The following QTMAN variants were observed in gnomAD, a reference collection of about 807,000 sequenced individuals.
QTMAN encodes the protein queuosine-tRNA mannosyltransferase.
the QTMAN span, among the ~76,000 whole-genome samples, chr2:144,130,020 G>A: frequency 2.7e-5 from 4 of 150,920 alleles, no homozygotes; most frequent in Non-Finnish European, 5.9e-5. Context: ...TAACATAGTA[G>A]GAAGGCTTTC....
At chr2:144,272,990 ATAAT>A in the QTMAN span, among the ~76,000 whole-genome samples, 2 of 152,184 alleles carry the variant, frequency 1.3e-5, no homozygotes, top group South Asian at 4.1e-4. Flanking sequence ...ATTCTTAGTA[ATAAT>A]TATTTAAAAA....
chr2:144,060,062 GAAT>G, the QTMAN span, among the ~76,000 whole-genome samples: 1 of 151,462 alleles, frequency 6.6e-6, no homozygotes, highest in Non-Finnish European at 1.5e-5. Context: ...GTTTTTCCTG[GAAT>G]AATATCTACC....
the QTMAN span, among the ~76,000 whole-genome samples, chr2:144,277,374 G>A: frequency 3.3e-5 from 5 of 152,032 alleles, no homozygotes; most frequent in South Asian, 1.0e-3. Context: ...TGTGTTCAAA[G>A]TAATATAAAT....
the QTMAN span, among the ~76,000 whole-genome samples, chr2:144,284,255 A>C: frequency 1.3e-5 from 2 of 152,054 alleles, no homozygotes; most frequent in African/African-American, 4.8e-5. Flanking sequence ...AATACCTCCC[A>C]TGGAAAAAAA....
the QTMAN span, among the ~76,000 whole-genome samples, chr2:144,289,263 G>A: frequency 6.6e-6 from 1 of 152,202 alleles, no homozygotes; most frequent in Non-Finnish European, 1.5e-5. Context: ...ATCTAACCTC[G>A]TGATCCGCCC....
the QTMAN span, among the ~76,000 whole-genome samples, chr2:144,331,304 C>G: frequency 2.8e-4 from 43 of 152,218 alleles, no homozygotes; most frequent in Admixed American, 1.0e-3. Flanking sequence ...AGGTTAAACA[C>G]GTTAATAGAA....
At chr2:144,177,506 G>C in the QTMAN span, among the ~76,000 whole-genome samples, 1 of 152,044 alleles carries the variant, frequency 6.6e-6, no homozygotes, top group Non-Finnish European at 1.5e-5. Context: ...AAATGCATAC[G>C]AGGAGTTGGC....
chr2:144,260,880 AT>A, the QTMAN span, among the ~76,000 whole-genome samples: 6 of 151,966 alleles, frequency 3.9e-5, no homozygotes, highest in Admixed American at 3.9e-4. Flanking sequence ...TAGATATAAG[AT>A]TTAAAAAAAA....
chr2:144,105,787 C>T, the QTMAN span, among the ~76,000 whole-genome samples: 1 of 152,066 alleles, frequency 6.6e-6, no homozygotes, highest in East Asian at 1.9e-4. Flanking sequence ...AGAGTAACTC[C>T]AAGACACATA....
chr2:144,117,396 C>T, the QTMAN span, among the ~76,000 whole-genome samples: 7 of 152,164 alleles, frequency 4.6e-5, no homozygotes, highest in Non-Finnish European at 1.0e-4. Context: ...GCTCTCTTAT[C>T]TGTGAGTCCC....
At chr2:144,246,507 A>G in the QTMAN span, among the ~76,000 whole-genome samples, 7 of 138,414 alleles carry the variant, frequency 5.1e-5, no homozygotes, top group African/African-American at 1.6e-4. Flanking sequence ...CGGGAAGCGG[A>G]GCTTGCCGTG....
At chr2:144,155,138 T>G in the QTMAN span, among the ~76,000 whole-genome samples, 1 of 152,188 alleles carries the variant, frequency 6.6e-6, no homozygotes, top group Non-Finnish European at 1.5e-5. Flanking sequence ...CATTTTTTAT[T>G]GAGCTCATTA....
the QTMAN span, among the ~76,000 whole-genome samples, chr2:144,019,651 T>C: frequency 6.6e-6 from 1 of 152,100 alleles, no homozygotes; most frequent in East Asian, 1.9e-4. Flanking sequence ...CCTTGATAAC[T>C]TCTCTAAGCC....
At chr2:144,076,301 C>A in the QTMAN span, among the ~76,000 whole-genome samples, 1 of 152,246 alleles carries the variant, frequency 6.6e-6, no homozygotes, top group Middle Eastern at 3.4e-3. Flanking sequence ...GGGCACTACA[C>A]AAATCACTGC....
chr2:144,106,517 A>T, the QTMAN span, among the ~76,000 whole-genome samples: 16 of 152,244 alleles, frequency 1.1e-4, no homozygotes, highest in Non-Finnish European at 2.2e-4. Flanking sequence ...GAAGGCTATT[A>T]CATAATGGTA....
chr2:144,219,064 T>C, the QTMAN span, among the ~76,000 whole-genome samples: 2 of 152,108 alleles, frequency 1.3e-5, no homozygotes, highest in African/African-American at 2.4e-5. Flanking sequence ...CTTAGACACA[T>C]TTGATGTTTT....
At chr2:143,958,782 CTTTTTTT>C in the QTMAN span, among the ~76,000 whole-genome samples, 2 of 113,368 alleles carry the variant, frequency 1.8e-5, no homozygotes, top group Admixed American at 8.9e-5. Flanking sequence ...TTCTTTCTTT[CTTTTTTT>C]TTTTTTTTTT....
chr2:144,008,277 C>A, the QTMAN span, among the ~76,000 whole-genome samples: 1 of 151,754 alleles, frequency 6.6e-6, no homozygotes, highest in Non-Finnish European at 1.5e-5. Context: ...ACAAGAACAG[C>A]CAACTAACCT....
the QTMAN span, among the ~76,000 whole-genome samples, chr2:144,056,413 A>G: frequency 6.6e-6 from 1 of 152,184 alleles, no homozygotes; most frequent in Non-Finnish European, 1.5e-5. Flanking sequence ...ACCTTTGACT[A>G]AAACTTCAGG....
Sources: gnomAD v4.1 joint callset for allele counts (sites outside exome capture counted in the v4.1 genomes callset) on GRCh38, gnomAD v4.1.1 for gene constraint, MANE v1.5 for transcripts, NCBI Gene and HGNC (gene_info 2026-07-23, HGNC 2026-07-21) for gene names.